PHF14: variants seen among roughly 807,000 people sequenced by gnomAD.
PHF14 encodes the protein PHD finger protein 14.
Under a neutral mutation model 117.9 loss-of-function variants are expected in PHF14, and 55 were observed. The ratio of observed to expected loss-of-function variants is 0.47; its 90% CI spans 0.38 to 0.58. PHF14 has a LOEUF of 0.58. Among genes scored for constraint, PHF14 ranks in the 20% least tolerant of loss-of-function variants. The probability of loss-of-function intolerance (pLI) is 0.00; values close to 1 mark genes in which losing one functional copy is unlikely to be tolerated. For missense variants in PHF14, 978 were observed against 1,122.2 expected (o/e 0.87, Z 1.84); for synonymous variants, 409 against 368.6 (o/e 1.11, Z -1.26).
chr7:11,145,281 C>G (rs1324866652), intron 17 of PHF14, among the ~76,000 whole-genome samples: 1 of 3,454 alleles, frequency 2.9e-4, no homozygotes, highest in East Asian at 0.12. Flanking sequence ...TCCTCACTTG[C>G]TCTCTTTTTC....
At chr7:11,108,637 A>T (rs1370930818) in intron 16 of PHF14, 1 of 151,768 alleles carries the variant, frequency 6.6e-6, no homozygotes, top group Non-Finnish European at 1.5e-5. Context: ...TTATCTTCTG[A>T]TAAGCTAGCA....
chr7:11,063,428 A>G (rs2128330183), intron 16 of PHF14: 7 of 974,030 alleles, frequency 7.2e-6, no homozygotes, highest in Non-Finnish European at 8.5e-6. Flanking sequence ...TAAAGAAAAA[A>G]AATAACAATC....
chr7:10,997,078 T>C (rs1449511148), intron 4 of PHF14, among the ~76,000 whole-genome samples: 1 of 152,238 alleles, frequency 6.6e-6, no homozygotes, highest in African/African-American at 2.4e-5. Flanking sequence ...CTCAAGAATA[T>C]TAGATACATC....
intron 17 of PHF14, among the ~76,000 whole-genome samples, chr7:11,151,960 G>A (rs1788714219): frequency 6.6e-6 from 1 of 152,010 alleles, no homozygotes; most frequent in Non-Finnish European, 1.5e-5. Context: ...ATCCTCATAA[G>A]ATTTAAGAAG....
At chr7:10,981,050 A>C (rs769270507) in intron 2 of PHF14, among the ~76,000 whole-genome samples, 1 of 152,020 alleles carries the variant, frequency 6.6e-6, no homozygotes, top group Non-Finnish European at 1.5e-5. Flanking sequence ...GTTAGTGTTT[A>C]TTTTTTATGC....
intron 17 of PHF14, among the ~76,000 whole-genome samples, chr7:11,138,615 AAC>A (rs1788310883): frequency 6.6e-6 from 1 of 152,216 alleles, no homozygotes; most frequent in African/African-American, 2.4e-5. Flanking sequence ...ATAAAACAAT[AAC>A]ATATAAATCA....
At chr7:11,083,813 G>T (rs1786266638) in intron 16 of PHF14, among the ~76,000 whole-genome samples, 1 of 152,106 alleles carries the variant, frequency 6.6e-6, no homozygotes, top group South Asian at 2.1e-4. Context: ...GAATCACTTA[G>T]TAAGATAATT....
At chr7:10,999,119 CT>C (rs1316933703) in intron 4 of PHF14, among the ~76,000 whole-genome samples, 2 of 152,280 alleles carry the variant, frequency 1.3e-5, no homozygotes, top group African/African-American at 2.4e-5. Context: ...AAACAATCTT[CT>C]TGTTTCAGCT....
At chr7:11,006,187 T>C (rs1460200708) in intron 4 of PHF14, among the ~76,000 whole-genome samples, 1 of 152,220 alleles carries the variant, frequency 6.6e-6, no homozygotes, top group Non-Finnish European at 1.5e-5. Flanking sequence ...CTTGATAACA[T>C]TGCATATTTG....
At chr7:11,058,273 C>T (rs1785089323) in intron 14 of PHF14, among the ~76,000 whole-genome samples, 2 of 151,834 alleles carry the variant, frequency 1.3e-5, no homozygotes, top group Non-Finnish European at 2.9e-5. Flanking sequence ...ACCATTTCTC[C>T]CTCTTTTAAA....
intron 16 of PHF14, 89 bp downstream of exon 16, chr7:11,062,174 G>T: frequency 9.2e-7 from 1 of 1,087,732 alleles, no homozygotes; most frequent in Non-Finnish European, 1.3e-6. Flanking sequence ...ACAATTGCAG[G>T]ATAAGACCTT....
chr7:11,162,598 A>C (rs1009752824), intron 17 of PHF14, among the ~76,000 whole-genome samples: 7 of 151,888 alleles, frequency 4.6e-5, no homozygotes, highest in African/African-American at 1.7e-4. Context: ...TTTAGTGTAA[A>C]TATGCCCTCT....
rs1049925896 is a variant in PHF14 at position 11,104,298 on chromosome 7, T to C, written c.2655-7052T>C. 4 of 983,164 alleles carry C rather than the reference T, an allele frequency of 4.1e-6. No homozygotes were observed. In the African/African-American group the frequency reaches 7.0e-5, roughly 17 times the overall value. The allele number at this position is 983,164 out of a possible 1,614,324, so 60.9% of individuals were successfully genotyped here. A position where few individuals can be genotyped will look rare whatever the true frequency, so the allele number is the denominator to read the frequency against. On this transcript the variant is annotated intron_variant, in intron 16 of 17. Coordinates refer to ENST00000634607, the MANE Select transcript of PHF14 (RefSeq NM_001007157.2). ...GAATCTTTGTCACATGTTATACATA[T>C]AGACTGCAAAATTCATAAGATATAG...
At chr7:10,982,343 TGG>T in intron 2 of PHF14, 27 bp from the exon 3 acceptor site, 2 of 1,451,702 alleles carry the variant, frequency 1.4e-6, no homozygotes, top group Non-Finnish European at 1.8e-6. Flanking sequence ...TACATATGTG[TGG>T]TTTTTTTTTT....
In PHF14 at chr7:11,037,223, C is replaced by T. The variant is rs528177260; in HGVS notation, c.1980+132C>T. The T allele has an allele frequency of 2.6e-4, 174 of 678,602 alleles. 1 individual carries two copies. The highest frequency in any genetic ancestry group is 4.5e-4 in the Middle Eastern group (1 of 2,224). 42.0% of individuals were successfully genotyped at this position (678,602 alleles called of 1,614,324 possible). A position where few individuals can be genotyped will look rare whatever the true frequency, so the allele number is the denominator to read the frequency against. On this transcript the variant is annotated intron_variant, in intron 10 of 17. Transcript: ENST00000634607. ...GCTCTTTGGCTCTTCCCTATAACTC[C>T]TACTCCTCATTAGCTTCATTATCAT... is the stretch of plus-strand genomic sequence containing the variant.
chr7:10,999,025 G>C (rs1185616059), intron 4 of PHF14, among the ~76,000 whole-genome samples: 1 of 152,172 alleles, frequency 6.6e-6, no homozygotes, highest in African/African-American at 2.4e-5. Flanking sequence ...CTTTTGCAAA[G>C]TTCTGGCGGC....
chr7:11,129,448 A>G (rs932386889), intron 17 of PHF14, among the ~76,000 whole-genome samples: 1 of 152,074 alleles, frequency 6.6e-6, no homozygotes. Context: ...GTTTTAAATT[A>G]AAAGGAAAGT....
At chr7:11,026,220 C>A (rs956057507) in intron 6 of PHF14, among the ~76,000 whole-genome samples, 9 of 152,078 alleles carry the variant, frequency 5.9e-5, no homozygotes, top group African/African-American at 2.2e-4. Flanking sequence ...CATCTTTCAC[C>A]AGCAAAAAGA....
intron 16 of PHF14, among the ~76,000 whole-genome samples, chr7:11,084,081 ACTAT>A (rs1485124961): frequency 1.2e-4 from 18 of 152,348 alleles, no homozygotes; most frequent in Admixed American, 5.9e-4. Flanking sequence ...TACAAGCATT[ACTAT>A]CTGTTTAAAA....
Sources: gnomAD v4.1 joint callset for allele counts (sites outside exome capture counted in the v4.1 genomes callset) on GRCh38, gnomAD v4.1.1 for gene constraint, MANE v1.5 for transcripts, NCBI Gene and HGNC (gene_info 2026-07-23, HGNC 2026-07-21) for gene names.